DIAPH2: variants seen among roughly 807,000 people sequenced by gnomAD.
DIAPH2 encodes the protein diaphanous related formin 2.
A neutral mutation model predicts 92.7 loss-of-function variants in DIAPH2; 35 were observed. The observed-to-expected ratio is 0.38, with a 90% confidence interval of 0.29 to 0.50. DIAPH2 has a LOEUF of 0.50. Ranked by LOEUF, DIAPH2 falls within the 20% of genes least tolerant of loss-of-function variation. DIAPH2 has a pLI of 0.94. For synonymous variants in DIAPH2, 301 were observed against 280.4 expected (o/e 1.07, Z -0.73); for missense variants, 701 against 819.5 (o/e 0.86, Z 1.77).
Position 96,822,445 on chromosome X carries a change from T to C in DIAPH2, c.448-59134T>C, listed in dbSNP as rs930040383. Among the ~76,000 whole-genome samples, 10 of 111,917 alleles carry C rather than the reference T, an allele frequency of 8.9e-5. 1 individual carries two copies. The highest frequency in any genetic ancestry group is 1.5e-4 in the Non-Finnish European group (8 of 53,156). ...GAAAGTGATTGCATTAATTCAAAGG[T>C]TTGGATGCCTTTAAGCATACGTTGT... On this transcript the variant is annotated intron_variant, in intron 4 of 26. Transcript: ENST00000324765.
At chrX:97,488,291 C>T (rs1262798807) in intron 26 of DIAPH2, among the ~76,000 whole-genome samples, 1 of 112,591 alleles carries the variant, frequency 8.9e-6, no homozygotes, top group Non-Finnish European at 1.9e-5. Flanking sequence ...CCATACCCAG[C>T]TGTTTTGTTT....
intron 4 of DIAPH2, among the ~76,000 whole-genome samples, chrX:96,816,624 G>A (rs2064737593): frequency 1.8e-5 from 2 of 112,039 alleles, no homozygotes; most frequent in African/African-American, 3.2e-5. Flanking sequence ...CACTGTTGGT[G>A]GGAATGTAAA....
At chrX:96,953,151 A>G (rs1016064721) in intron 15 of DIAPH2, among the ~76,000 whole-genome samples, 6 of 111,408 alleles carry the variant, frequency 5.4e-5, no homozygotes, top group Non-Finnish European at 1.1e-4. Flanking sequence ...CAAAAAGGAC[A>G]CTATCCCAAG....
At chrX:97,139,853 G>GA (rs1427804061) in intron 21 of DIAPH2, among the ~76,000 whole-genome samples, 1 of 107,190 alleles carries the variant, frequency 9.3e-6, no homozygotes, top group Non-Finnish European at 2.0e-5. Context: ...ATGTGACAAA[G>GA]AAAAAAAATC....
chrX:96,774,276 G>A (rs1258141567), intron 4 of DIAPH2, among the ~76,000 whole-genome samples: 1 of 111,639 alleles, frequency 9.0e-6, no homozygotes, highest in South Asian at 3.8e-4. Flanking sequence ...TGGATTTCAG[G>A]CAGTTGTGGA....
intron 4 of DIAPH2, among the ~76,000 whole-genome samples, chrX:96,846,100 G>A (rs994468607): frequency 9.3e-6 from 1 of 107,361 alleles, no homozygotes; most frequent in Non-Finnish European, 1.9e-5. Context: ...AGCTGCCTCC[G>A]GCCGAGCAAT....
At chrX:96,999,961 CT>C (rs1361818185) in intron 17 of DIAPH2, among the ~76,000 whole-genome samples, 8 of 111,861 alleles carry the variant, frequency 7.2e-5, no homozygotes, top group Non-Finnish European at 1.5e-4. Flanking sequence ...CTTTGCTCCT[CT>C]TTTGCCTTCC....
intron 17 of DIAPH2, among the ~76,000 whole-genome samples, chrX:96,991,118 CTT>C (rs778658714): frequency 4.9e-5 from 5 of 101,979 alleles, no homozygotes; most frequent in African/African-American, 1.1e-4. Context: ...ATTAGTCCCT[CTT>C]TTTTTTTTTT....
At chrX:96,718,336 GTTTTTTTTTTTTTTT>G (rs962776012) in intron 1 of DIAPH2, among the ~76,000 whole-genome samples, 8 of 10,990 alleles carry the variant, frequency 7.3e-4, no homozygotes, top group African/African-American at 1.4e-3. Flanking sequence ...CATTTTCTTT[GTTTTTTTTTTTTTTT>G]TTTTTTTTTT....
intron 23 of DIAPH2, among the ~76,000 whole-genome samples, chrX:97,274,633 GT>G (rs201519172): frequency 5.3e-4 from 54 of 100,989 alleles, no homozygotes; most frequent in South Asian, 3.1e-3. Flanking sequence ...TTTTTTTTTT[GT>G]TTTTTTTTTG....
chrX:97,418,586 C>A (rs746510337), intron 25 of DIAPH2, among the ~76,000 whole-genome samples: 3 of 112,020 alleles, frequency 2.7e-5, no homozygotes, highest in African/African-American at 9.7e-5. Flanking sequence ...TTCCCTCTCA[C>A]CTTCCTGATT....
At chrX:96,792,308 C>T (rs1390814693) in intron 4 of DIAPH2, among the ~76,000 whole-genome samples, 3 of 111,560 alleles carry the variant, frequency 2.7e-5, no homozygotes, top group African/African-American at 9.8e-5. Flanking sequence ...ATGTAACCTC[C>T]TGAACAAGAA....
chrX:96,953,151 A>C (rs1016064721), intron 15 of DIAPH2, among the ~76,000 whole-genome samples: 2 of 111,458 alleles, frequency 1.8e-5, no homozygotes, highest in East Asian at 5.6e-4. Flanking sequence ...CAAAAAGGAC[A>C]CTATCCCAAG....
intron 22 of DIAPH2, among the ~76,000 whole-genome samples, chrX:97,188,457 CA>C (rs1195861218): frequency 8.9e-6 from 1 of 111,943 alleles, no homozygotes; most frequent in Non-Finnish European, 1.9e-5. Context: ...TACGAATAGT[CA>C]TGAAGGTAAG....
Position 97,135,919 on chromosome X carries a change from G to C in DIAPH2, c.2590-5746G>C, listed in dbSNP as rs147895638. 4.5e-3 allele frequency among the ~76,000 whole-genome samples: 508 copies of C among 111,966 alleles called. 5 individuals are homozygous for C. Among genetic ancestry groups the C allele is most frequent in the African/African-American group, 0.016 (492 of 30,865 alleles). On this transcript the variant is annotated intron_variant, in intron 21 of 26. Transcript: ENST00000324765. ...AGGAAGAACAGTATGCCGAGGTCAG[G>C]AGGAACATAAGTAAATGGGTAGAAA...
chrX:97,546,832 T>A (rs773936238), intron 26 of DIAPH2, among the ~76,000 whole-genome samples: 2 of 107,364 alleles, frequency 1.9e-5, no homozygotes, highest in African/African-American at 6.8e-5. Context: ...TGAGGCTCTG[T>A]CTCAAAAAAA....
At chrX:96,870,610 C>T (rs1342922886) in intron 4 of DIAPH2, among the ~76,000 whole-genome samples, 10 of 110,513 alleles carry the variant, frequency 9.0e-5, no homozygotes, top group African/African-American at 3.0e-4. Flanking sequence ...CAATTAGTTA[C>T]ATTTCTTTTT....
In DIAPH2 at chrX:96,756,257, A is replaced by G. The variant is rs756540465; in HGVS notation, c.343-1897A>G. Among the ~76,000 whole-genome samples the G allele has an allele frequency of 4.6e-4, 51 of 110,492 alleles. 1 individual carries two copies. The highest frequency in any genetic ancestry group is 1.6e-3 in the African/African-American group (48 of 30,371). ...GTATCACCCCATAAAGAAACACCAT[A>G]CCCATAATCAGTCAGAATCCAAACT... is the stretch of plus-strand genomic sequence containing the variant. On this transcript the variant is annotated intron_variant, in intron 3 of 26. Transcript: ENST00000324765.
chrX:97,482,659 AG>A (rs916834589), intron 26 of DIAPH2, among the ~76,000 whole-genome samples: 12 of 79,875 alleles, frequency 1.5e-4, no homozygotes, highest in South Asian at 6.8e-4. Flanking sequence ...GGGACCAAAA[AG>A]AAAAAAAAAA....
Sources: allele counts gnomAD v4.1 joint callset (sites outside exome capture counted in the v4.1 genomes callset), GRCh38; gene constraint gnomAD v4.1.1; transcripts MANE v1.5; gene names NCBI Gene and HGNC (gene_info 2026-07-23, HGNC 2026-07-21).